The following ZNF558 variants were observed in gnomAD, a reference collection of about 807,000 sequenced individuals.
The protein encoded by ZNF558 is zinc finger protein 558.
A neutral mutation model predicts 37.6 loss-of-function variants in ZNF558; 23 were observed. That is an observed-to-expected ratio of 0.61 (90% confidence interval 0.44 to 0.87). The LOEUF (loss-of-function observed/expected upper bound fraction) is 0.87. ZNF558 is among the 40% of genes least tolerant of loss of function. The pLI is 0.00. For synonymous variants in ZNF558, 189 were observed against 174.4 expected, an observed-to-expected ratio of 1.08 and a Z score of -0.66; for missense variants, 429 against 483.7, an observed-to-expected ratio of 0.89 and a Z score of 1.06.
At chr19:8,816,655 C>G (rs887991707) in intron 7 of ZNF558, among the ~76,000 whole-genome samples, 1 of 152,048 alleles carries the variant, frequency 6.6e-6, no homozygotes, top group Non-Finnish European at 1.5e-5. Flanking sequence ...AAAAAATGAT[C>G]AAGGGTGACT....
At chr19:8,833,050 G>C (rs2044401894), upstream of ZNF558, 1 of 153,278 alleles carries the variant, frequency 6.5e-6, no homozygotes. Context: ...CACCAGGCCT[G>C]GGGAGGGGGC....
intron 6 of ZNF558, chr19:8,821,651 G>A: frequency 7.6e-7 from 1 of 1,313,472 alleles, no homozygotes. Flanking sequence ...GGGGATCATG[G>A]GCCCGTGACA....
chr19:8,823,969 C>G (rs1334350777), intron 4 of ZNF558, 113 bp downstream of exon 4: 1 of 152,776 alleles, frequency 6.5e-6, no homozygotes, highest in Non-Finnish European at 1.5e-5. Flanking sequence ...AACTTCACAC[C>G]TCCTCCCCTG....
At position 8,822,131 on chromosome 19, in the gene ZNF558, C is replaced by T. The variant is rs1568470841; in HGVS notation, c.32-40G>A. On this transcript the variant is annotated intron_variant, in intron 5 of 9. Coordinates refer to ENST00000601372, the MANE Select transcript of ZNF558 (RefSeq NM_144693.3). The surrounding 1 kb of genome is among the most constrained non-coding windows in gnomAD (Gnocchi z 4.4). Reference sequence around the variant, plus strand: ...ATGAGTCCCATGGATTCAGGCTTGTCTGACACCCACAGATCTGCCCCTGAT... The same window carrying T: ...ATGAGTCCCATGGATTCAGGCTTGTTTGACACCCACAGATCTGCCCCTGAT... The T allele has an allele frequency of 6.2e-7, 1 of 1,612,082 alleles. No homozygotes were observed. Among genetic ancestry groups the T allele is most frequent in the East Asian group, 2.2e-5 (1 of 44,804 alleles).
At position 8,811,609 on chromosome 19, in the gene ZNF558, C is replaced by T. The variant is rs1555768055; in HGVS notation, c.881G>A (p.Cys294Tyr). The T allele has an allele frequency of 1.2e-6, 2 of 1,614,140 alleles. No individual in the cohort carries two copies. The highest frequency in any genetic ancestry group is 8.5e-7 in the Non-Finnish European group (1 of 1,180,030). ...SIHTGEKPYE[C>Y]HDCGKTFRKS... Reference sequence around the variant, plus strand: ...CCTGAAGGTTTTCCCACAATCGTGACATTCATAAGGTTTCTCCCCTGTATG... The same window carrying T: ...CCTGAAGGTTTTCCCACAATCGTGATATTCATAAGGTTTCTCCCCTGTATG... Residue 294 changes from cysteine to tyrosine, a missense_variant, in exon 10 of 10, where the codon TGT becomes TAT. Coordinates refer to ENST00000601372, the MANE Select transcript of ZNF558 (RefSeq NM_144693.3).
At position 8,807,738 on chromosome 19, in the gene ZNF558, A is replaced by G. The variant is rs966354187; in HGVS notation, c.*3543T>C. On this transcript the variant is annotated 3_prime_UTR_variant, in exon 10 of 10. Coordinates refer to ENST00000601372, the MANE Select transcript of ZNF558 (RefSeq NM_144693.3). ...CCCAACCCCCCTTAACTCTCCTAAA[A>G]TGCTTTTTTTTCCTATAACTCTATA... is the stretch of plus-strand genomic sequence containing the variant. 4.6e-5 allele frequency: 7 copies of G among 152,174 alleles called. No homozygotes were observed. The highest frequency in any genetic ancestry group is 3.4e-3 in the Middle Eastern group (1 of 294). 9.4% of individuals were successfully genotyped at this position (152,174 alleles called of 1,614,324 possible). A position where few individuals can be genotyped will look rare whatever the true frequency, so the allele number is the denominator to read the frequency against.
At chr19:8,830,913 C>G (rs1363468782) in intron 2 of ZNF558, 2 of 151,294 alleles carry the variant, frequency 1.3e-5, no homozygotes, top group Non-Finnish European at 2.9e-5. Context: ...AAAAAAAAGT[C>G]AAATCAAACA....
At chr19:8,829,941 A>G (rs1177083054) in intron 2 of ZNF558, among the ~76,000 whole-genome samples, 1 of 152,202 alleles carries the variant, frequency 6.6e-6, no homozygotes, top group Non-Finnish European at 1.5e-5. Flanking sequence ...AAGTTTTAAG[A>G]AACAAAGTTA....
intron 7 of ZNF558, among the ~76,000 whole-genome samples, chr19:8,817,103 A>G (rs1045084907): frequency 2.0e-5 from 3 of 152,236 alleles, no homozygotes; most frequent in African/African-American, 7.2e-5. Context: ...GAACTTAGGA[A>G]CAAAAATGAT....
Position 8,821,711 on chromosome 19 carries a change from C to T in ZNF558, c.120+292G>A, listed in dbSNP as rs1485707817. The stretch of plus-strand genomic sequence containing the variant: ...GTAAGTGAATGACTGATTTCCGTGG[C>T]GTTTATTAATTGCTTGGGTTTAGAA... On this transcript the variant is annotated intron_variant, in intron 6 of 9. Transcript: ENST00000601372. The T allele has an allele frequency of 2.5e-5, 33 of 1,304,138 alleles. No homozygotes were observed. In the East Asian group the frequency reaches 2.7e-4, roughly 11 times the overall value. The allele number at this position is 1,304,138 out of a possible 1,614,324, so 80.8% of individuals were successfully genotyped here. A position where few individuals can be genotyped will look rare whatever the true frequency, so the allele number is the denominator to read the frequency against.
chr19:8,828,502 TC>T (rs993194388), intron 2 of ZNF558, among the ~76,000 whole-genome samples: 11 of 152,240 alleles, frequency 7.2e-5, no homozygotes, highest in African/African-American at 2.7e-4. Flanking sequence ...AAGCTTCTTT[TC>T]TTTAACCAAT....
Position 8,821,634 on chromosome 19 carries a change from A to G in ZNF558, c.121-328T>C, listed in dbSNP as rs969770828. 4.0e-5 allele frequency: 53 copies of G among 1,315,076 alleles called. No homozygotes were observed. In the African/African-American group the frequency reaches 5.2e-4, roughly 13 times the overall value. 81.5% of individuals were successfully genotyped at this position (1,315,076 alleles called of 1,614,324 possible). A position where few individuals can be genotyped will look rare whatever the true frequency, so the allele number is the denominator to read the frequency against. ...AGCTCCTGTGATCTTATTTCCCTCA[A>G]TCTCCAGGGGATCATGGGCCCGTGA... On this transcript the variant is annotated intron_variant, in intron 6 of 9. Transcript: ENST00000601372.
chr19:8,830,046 G>C (rs1318825967), intron 2 of ZNF558, among the ~76,000 whole-genome samples: 1 of 152,114 alleles, frequency 6.6e-6, no homozygotes, highest in African/African-American at 2.4e-5. Context: ...GGAGGGTCCT[G>C]GTAGGAGGTG....
upstream of ZNF558, among the ~76,000 whole-genome samples, chr19:8,835,348 A>G (rs934513460): frequency 1.2e-4 from 19 of 152,288 alleles, no homozygotes; most frequent in African/African-American, 4.3e-4. Flanking sequence ...CACTGCACCC[A>G]GCCTGAAAAA....
chr19:8,817,854 T>C (rs1310937706), intron 7 of ZNF558, among the ~76,000 whole-genome samples: 2 of 152,204 alleles, frequency 1.3e-5, no homozygotes, highest in African/African-American at 2.4e-5. Context: ...ACTGGCATAA[T>C]TGAAGGAAGA....
In ZNF558 at chr19:8,822,949, G is replaced by A. The variant is rs1457735460; in HGVS notation, c.-65-225C>T. The A allele has an allele frequency of 1.1e-5, 5 of 465,414 alleles. No individual in the cohort carries two copies. The highest frequency in any genetic ancestry group is 3.6e-5 in the East Asian group (1 of 27,846). The allele number at this position is 465,414 out of a possible 1,614,324, so 28.8% of individuals were successfully genotyped here. ...CGACCAGTACCTCCCTGACCCACCC[G>A]CTTTGAGAACCTCGGCTTCACGCAG... On this transcript the variant is annotated intron_variant, in intron 4 of 9. Coordinates refer to ENST00000601372, the MANE Select transcript of ZNF558 (RefSeq NM_144693.3). This position sits in a 1 kb window ranked among gnomAD's most constrained non-coding sequence, Gnocchi z 4.4.
intron 2 of ZNF558, among the ~76,000 whole-genome samples, chr19:8,827,037 A>G (rs1203244049): frequency 6.6e-6 from 1 of 152,156 alleles, no homozygotes; most frequent in African/African-American, 2.4e-5. Context: ...TGGGCCTCCA[A>G]GAAAAAAACA....
chr19:8,837,170 A>G (rs1434841573), upstream of ZNF558, among the ~76,000 whole-genome samples: 2 of 152,218 alleles, frequency 1.3e-5, no homozygotes, highest in African/African-American at 4.8e-5. Context: ...CTCAGCAGGT[A>G]CTTGGTAACA....
intron 7 of ZNF558, among the ~76,000 whole-genome samples, chr19:8,816,128 G>A (rs899654849): frequency 4.6e-5 from 7 of 152,038 alleles, no homozygotes; most frequent in Non-Finnish European, 8.8e-5. Context: ...GTGCAGTGGT[G>A]TGATCATGGC....
Sources: allele counts gnomAD v4.1 joint callset (sites outside exome capture counted in the v4.1 genomes callset), GRCh38; gene constraint gnomAD v4.1.1; non-coding constraint Gnocchi (gnomAD v3.1); transcripts MANE v1.5; gene names NCBI Gene and HGNC (gene_info 2026-07-23, HGNC 2026-07-21).